ERCC2: variants seen among roughly 807,000 people sequenced by gnomAD.
The protein encoded by ERCC2 is general transcription and DNA repair factor IIH helicase subunit XPD.
A neutral mutation model predicts 99.4 loss-of-function variants in ERCC2; 90 were observed. That is an observed-to-expected ratio of 0.91 (90% confidence interval 0.76 to 1.08). The LOEUF (loss-of-function observed/expected upper bound fraction) is 1.08, where lower values mean the gene tolerates loss of function less well. ERCC2 is among the 50% of genes least tolerant of loss of function. The pLI, the probability that ERCC2 is intolerant of heterozygous loss-of-function variation, is 0.00. For missense variants in ERCC2, 993 were observed against 1,038.1 expected (o/e 0.96, Z 0.60); for synonymous variants, 497 against 432.4 (o/e 1.15, Z -1.85).
chr19:45,355,863 C>A, intron 15 of ERCC2, 135 bp from the exon 16 acceptor site: 1 of 746,946 alleles, frequency 1.3e-6, no homozygotes, highest in South Asian at 1.5e-5. Context: ...CCATGTTGCC[C>A]AGGCTGATCT....
chr19:45,359,001 CAGT>C (rs1388437738), intron 12 of ERCC2: 2 of 658,488 alleles, frequency 3.0e-6, no homozygotes, highest in South Asian at 1.7e-5. Flanking sequence ...GCTGGGGACA[CAGT>C]GGTGACCAAG....
In ERCC2 at chr19:45,350,425, C is replaced by T; in HGVS notation, c.*1204G>A. On this transcript the variant is annotated 3_prime_UTR_variant, in exon 23 of 23. Transcript: ENST00000391945. ...CCTCCACAAGGAGGACCTACCCGCC[C>T]CTCTCGGTGAGCCCCTAGCCCCTGT... is the stretch of plus-strand genomic sequence containing the variant. 2 of 1,613,714 alleles carry T rather than the reference C, an allele frequency of 1.2e-6. No homozygotes were observed. The highest frequency in any genetic ancestry group is 2.2e-5 in the South Asian group (2 of 91,038).
At chr19:45,359,023 G>GC in intron 12 of ERCC2, 1 of 626,764 alleles carries the variant, frequency 1.6e-6, no homozygotes. Context: ...AGCCAGCCTT[G>GC]CCCCTGCTCG....
chr19:45,359,059 C>T, intron 12 of ERCC2: 1 of 606,006 alleles, frequency 1.7e-6, no homozygotes, highest in Non-Finnish European at 2.9e-6. Context: ...CAGTAGGAGA[C>T]AGACTTGTCC....
At chr19:45,359,385 A>C (rs1972129819) in intron 12 of ERCC2, among the ~76,000 whole-genome samples, 1 of 152,198 alleles carries the variant, frequency 6.6e-6, no homozygotes, top group South Asian at 2.1e-4. Flanking sequence ...CCCCAGGGCA[A>C]GGGCCCAGAT....
At chr19:45,357,224 G>A in intron 15 of ERCC2, 46 bp downstream of exon 15, 1 of 1,417,616 alleles carries the variant, frequency 7.1e-7, no homozygotes. Flanking sequence ...GCGGCCCCTT[G>A]CCCCCATCTC....
Position 45,351,561 on chromosome 19 carries a change from C to T in ERCC2, c.*68G>A, listed in dbSNP as rs565650029. Reference sequence around the variant, plus strand: ...TCATAAGACCTTCTAGCACCACCGCCGCTGGGAACCAGGGCCAGGCAAGAC... The same window carrying T: ...TCATAAGACCTTCTAGCACCACCGCTGCTGGGAACCAGGGCCAGGCAAGAC... On this transcript the variant is annotated 3_prime_UTR_variant, in exon 23 of 23. Coordinates refer to ENST00000391945, the MANE Select transcript of ERCC2 (RefSeq NM_000400.4). 8.9e-5 allele frequency: 143 copies of T among 1,609,266 alleles called. 1 individual carries two copies. The Middle Eastern group carries it at 3.5e-3, about 39-fold the overall frequency.
chr19:45,363,823 C>G lies in ERCC2; in HGVS notation c.1038G>C (p.Val346=). The G allele has an allele frequency of 1.9e-6, 3 of 1,540,860 alleles. No individual in the cohort carries two copies. Among genetic ancestry groups the G allele is most frequent in the Non-Finnish European group, 2.6e-6 (3 of 1,149,564 alleles). ...LLEYVKWRLR[V]QHVVQESPPA... is the part of the protein sequence containing the mutation. ...GCGGGCTCTCCTGCACCACATGCTG[C>G]ACACGCAGCCGCCACTTCACGTACT... Residue 346 remains valine, a synonymous_variant, in exon 11 of 23, where the codon GTG becomes GTC. Coordinates refer to ENST00000391945, the MANE Select transcript of ERCC2 (RefSeq NM_000400.4).
chr19:45,355,347 ACT>A (rs3916865), intron 16 of ERCC2, among the ~76,000 whole-genome samples: 61,669 of 151,918 alleles, frequency 0.41, 15,379 homozygotes, highest in African/African-American at 0.71. Context: ...ACAGAGCAAG[ACT>A]CTGTCTCAAA....
In ERCC2 at chr19:45,363,547, G is replaced by T. The variant is rs746948724; in HGVS notation, c.1118+196C>A. Among the ~76,000 whole-genome samples, 4 of 152,284 alleles carry T rather than the reference G, an allele frequency of 2.6e-5. No homozygotes were observed. The East Asian group carries it at 7.7e-4, about 29-fold the overall frequency. On this transcript the variant is annotated intron_variant, in intron 11 of 22. Coordinates refer to ENST00000391945, the MANE Select transcript of ERCC2 (RefSeq NM_000400.4). ...GGTGTTGCCTGCCAGGCCCCTGCCC[G>T]ACGCACGGACCCAGGATCAGCTCCA...
chr19:45,365,324 T>C (rs1205523857), intron 5 of ERCC2, among the ~76,000 whole-genome samples, 166 bp from the exon 6 acceptor site: 1 of 151,948 alleles, frequency 6.6e-6, no homozygotes, highest in African/African-American at 2.4e-5. Context: ...GATACAAGAG[T>C]AGTAAAATTG....
intron 12 of ERCC2, chr19:45,358,513 A>G (rs571534671): frequency 7.0e-5 from 25 of 358,810 alleles, no homozygotes; most frequent in Non-Finnish European, 1.3e-4. Flanking sequence ...GAGTCCAGCC[A>G]TGTCACCTCC....
At chr19:45,369,996 G>T (rs1972550646) in intron 2 of ERCC2, 137 bp downstream of exon 2, 12 of 752,932 alleles carry the variant, frequency 1.6e-5, no homozygotes, top group Non-Finnish European at 2.4e-5. Flanking sequence ...TATTGTTTTA[G>T]ATAACGGAAG....
intron 12 of ERCC2, among the ~76,000 whole-genome samples, chr19:45,359,341 G>A (rs567353393): frequency 1.3e-5 from 2 of 152,270 alleles, no homozygotes; most frequent in African/African-American, 4.8e-5. Flanking sequence ...AGAGACAGAG[G>A]CAGAAGCAGC....
chr19:45,367,053 A>T (rs1434828677), intron 5 of ERCC2, among the ~76,000 whole-genome samples: 2 of 151,976 alleles, frequency 1.3e-5, no homozygotes, highest in Non-Finnish European at 2.9e-5. Flanking sequence ...ATAATAATAA[A>T]TAAGGCTGGG....
At chr19:45,366,942 G>A (rs903701216) in intron 5 of ERCC2, among the ~76,000 whole-genome samples, 3 of 152,310 alleles carry the variant, frequency 2.0e-5, no homozygotes, top group African/African-American at 7.2e-5. Context: ...AGCTGAGGCA[G>A]AAGAATCACT....
At position 45,362,005 on chromosome 19, in the gene ERCC2, C is replaced by G. The variant is rs1189214020; in HGVS notation, c.1119-363G>C. 1.1e-5 allele frequency: 3 copies of G among 265,704 alleles called. No homozygotes were observed. The East Asian group carries it at 2.9e-4, about 25-fold the overall frequency. The allele number at this position is 265,704 out of a possible 1,614,324, so 16.5% of individuals were successfully genotyped here. On this transcript the variant is annotated intron_variant, in intron 11 of 22. Coordinates refer to ENST00000391945, the MANE Select transcript of ERCC2 (RefSeq NM_000400.4). Reference sequence around the variant, plus strand: ...AGGCTGGAGAGCACTGGTACCATCTCGACTCCGCCTCCTGGGTTCAAATGA... The same window carrying G: ...AGGCTGGAGAGCACTGGTACCATCTGGACTCCGCCTCCTGGGTTCAAATGA...
Position 45,351,228 on chromosome 19 carries a change from G to A in ERCC2, c.*401C>T. ...GCCAGGCTGGACCTGGAGCTGGAGG[G>A]TGGATGTAACACTTGCCCCTCACCT... On this transcript the variant is annotated 3_prime_UTR_variant, in exon 23 of 23. Transcript: ENST00000391945. The A allele has an allele frequency of 6.3e-7, 1 of 1,591,232 alleles. No individual in the cohort carries two copies. Among genetic ancestry groups the A allele is most frequent in the Non-Finnish European group, 8.6e-7 (1 of 1,168,672 alleles).
At position 45,352,202 on chromosome 19, in the gene ERCC2, G is replaced by T. The variant is rs1368945415; in HGVS notation, c.2190+7C>A. ...GGAGGGTGCCGGGAGGGGGACGCAGGCCTCACCCGGTGGAAGGGCTGTGCC... is the reference window on the plus strand; with the variant it reads ...GGAGGGTGCCGGGAGGGGGACGCAGTCCTCACCCGGTGGAAGGGCTGTGCC... On this transcript the variant is annotated splice_region_variant and intron_variant, in intron 22 of 22. Coordinates refer to ENST00000391945, the MANE Select transcript of ERCC2 (RefSeq NM_000400.4). The T allele has an allele frequency of 7.4e-6, 12 of 1,613,336 alleles. No individual in the cohort carries two copies. Among genetic ancestry groups the T allele is most frequent in the Non-Finnish European group, 7.6e-6 (9 of 1,179,896 alleles).
Sources: gnomAD v4.1 joint callset for allele counts (sites outside exome capture counted in the v4.1 genomes callset) on GRCh38, gnomAD v4.1.1 for gene constraint, MANE v1.5 for transcripts, NCBI Gene and HGNC (gene_info 2026-07-23, HGNC 2026-07-21) for gene names.